The following PAG1 variants were observed in gnomAD, a reference collection of about 807,000 sequenced individuals.
PAG1 encodes the protein phosphoprotein associated with glycosphingolipid-enriched microdomains 1.
Under a neutral mutation model 31.7 loss-of-function variants are expected in PAG1, and 23 were observed. The observed-to-expected ratio is 0.73, with a 90% confidence interval of 0.52 to 1.03. The LOEUF is 1.03. PAG1 is among the 50% of genes least tolerant of loss of function. The probability of loss-of-function intolerance (pLI) is 0.00; values close to 1 mark genes in which losing one functional copy is unlikely to be tolerated. For synonymous variants in PAG1, 214 were observed against 210.3 expected, an observed-to-expected ratio of 1.02 and a Z score of -0.15; for missense variants, 473 against 540.7, an observed-to-expected ratio of 0.87 and a Z score of 1.24.
intron 3 of PAG1, among the ~76,000 whole-genome samples, chr8:80,997,222 C>T (rs1279820868): frequency 6.6e-6 from 1 of 152,162 alleles, no homozygotes; most frequent in Non-Finnish European, 1.5e-5. Context: ...TCTCCGAATC[C>T]TGTTCTTACT....
At chr8:81,043,647 A>G (rs1187327313) in intron 2 of PAG1, among the ~76,000 whole-genome samples, 3 of 152,234 alleles carry the variant, frequency 2.0e-5, no homozygotes, top group Non-Finnish European at 2.9e-5. Context: ...ATTACAAATG[A>G]CATTACAATG....
At chr8:81,007,128 A>T (rs1807894573) in intron 3 of PAG1, among the ~76,000 whole-genome samples, 1 of 150,902 alleles carries the variant, frequency 6.6e-6, no homozygotes, top group Non-Finnish European at 1.5e-5. Flanking sequence ...AGAGAGGCAG[A>T]GAGAGAGAGA....
At chr8:81,017,455 C>T (rs559019346) in intron 3 of PAG1, among the ~76,000 whole-genome samples, 2 of 152,242 alleles carry the variant, frequency 1.3e-5, no homozygotes, top group East Asian at 3.9e-4. Flanking sequence ...AGATGCCAAA[C>T]AAAAGTCAAA....
At chr8:80,978,026 G>A (rs1185899223) in intron 8 of PAG1, among the ~76,000 whole-genome samples, 2 of 152,084 alleles carry the variant, frequency 1.3e-5, no homozygotes, top group African/African-American at 2.4e-5. Flanking sequence ...CATACTGCAG[G>A]TGAAGTTTCC....
intron 2 of PAG1, among the ~76,000 whole-genome samples, chr8:81,033,841 T>C (rs1345954126): frequency 1.3e-5 from 2 of 152,226 alleles, no homozygotes; most frequent in Non-Finnish European, 2.9e-5. Flanking sequence ...ACAGATGGCC[T>C]GGGCTGAGCC....
At chr8:81,088,471 T>C (rs1809396383) in intron 1 of PAG1, among the ~76,000 whole-genome samples, 1 of 152,146 alleles carries the variant, frequency 6.6e-6, no homozygotes, top group Admixed American at 6.5e-5. Context: ...TAGGACAAAT[T>C]GCAAAATGAC....
rs1220304732 is a variant in PAG1, at chr8:80,972,477, T to C, written c.*4067A>G. The C allele has an allele frequency of 6.6e-6, 1 of 152,232 alleles. No individual in the cohort carries two copies. The highest frequency in any genetic ancestry group is 1.5e-5 in the Non-Finnish European group (1 of 68,046). 9.4% of individuals were successfully genotyped at this position (152,232 alleles called of 1,614,324 possible). On this transcript the variant is annotated 3_prime_UTR_variant, in exon 9 of 9. Coordinates refer to ENST00000220597, the MANE Select transcript of PAG1 (RefSeq NM_018440.4). ...GTTTTACACTGCCTATAAAGTCTCATAATTTTAAAAGGGAATGAAACAGAA... is the reference window on the plus strand; with the variant it reads ...GTTTTACACTGCCTATAAAGTCTCACAATTTTAAAAGGGAATGAAACAGAA...
chr8:80,998,482 T>G (rs953947925), intron 3 of PAG1, among the ~76,000 whole-genome samples: 1 of 152,148 alleles, frequency 6.6e-6, no homozygotes, highest in African/African-American at 2.4e-5. Context: ...CTCAGCCCTA[T>G]GCAGCACTTT....
chr8:81,072,752 T>G (rs1370121523), intron 1 of PAG1, among the ~76,000 whole-genome samples: 1 of 152,148 alleles, frequency 6.6e-6, no homozygotes, highest in Non-Finnish European at 1.5e-5. Context: ...TTAACTTTCA[T>G]ATCATGCAGA....
chr8:81,096,624 G>A (rs1304134511), intron 1 of PAG1, among the ~76,000 whole-genome samples: 1 of 152,226 alleles, frequency 6.6e-6, no homozygotes, highest in Non-Finnish European at 1.5e-5. Context: ...TGGTTCTGCT[G>A]TGTGTGTCCT....
chr8:81,072,646 G>A (rs1809113316), intron 1 of PAG1, among the ~76,000 whole-genome samples: 1 of 152,226 alleles, frequency 6.6e-6, no homozygotes, highest in South Asian at 2.1e-4. Flanking sequence ...TGAGGCTGCA[G>A]TGATCTATGT....
Position 80,972,885 on chromosome 8 carries a change from C to T in PAG1, c.*3659G>A, listed in dbSNP as rs1807106364. 4 of 151,822 alleles carry T rather than the reference C, an allele frequency of 2.6e-5. No individual in the cohort carries two copies. In the South Asian group the frequency reaches 6.3e-4, roughly 24 times the overall value. The allele number at this position is 151,822 out of a possible 1,614,324, so 9.4% of individuals were successfully genotyped here. On this transcript the variant is annotated 3_prime_UTR_variant, in exon 9 of 9. Coordinates refer to ENST00000220597, the MANE Select transcript of PAG1 (RefSeq NM_018440.4). ...TTCAAAATACATAATAGAACATATCCTAATTAAGCACCAGAGTTGTGTCAG... is the reference window on the plus strand; with the variant it reads ...TTCAAAATACATAATAGAACATATCTTAATTAAGCACCAGAGTTGTGTCAG...
chr8:81,008,109 T>C (rs999737684), intron 3 of PAG1, among the ~76,000 whole-genome samples: 2 of 152,216 alleles, frequency 1.3e-5, no homozygotes, highest in Non-Finnish European at 2.9e-5. Context: ...TGTGGTTTCA[T>C]TCTAGTTCTT....
chr8:81,002,646 G>A (rs892450389), intron 3 of PAG1, among the ~76,000 whole-genome samples: 1 of 152,206 alleles, frequency 6.6e-6, no homozygotes, highest in South Asian at 2.1e-4. Flanking sequence ...GCTTAACAGT[G>A]CTAATATTGT....
intron 1 of PAG1, among the ~76,000 whole-genome samples, chr8:81,087,727 G>T (rs1240129647): frequency 6.6e-6 from 1 of 152,208 alleles, no homozygotes; most frequent in Non-Finnish European, 1.5e-5. Flanking sequence ...ATGTTTCGGG[G>T]ATAAGCGCAT....
At chr8:81,103,052 T>A (rs1809633419) in intron 1 of PAG1, among the ~76,000 whole-genome samples, 1 of 152,068 alleles carries the variant, frequency 6.6e-6, no homozygotes, top group Non-Finnish European at 1.5e-5. Flanking sequence ...TAAGTTTATC[T>A]ACAATAATTT....
chr8:81,046,853 A>G (rs1808650470), intron 2 of PAG1, among the ~76,000 whole-genome samples: 1 of 150,974 alleles, frequency 6.6e-6, no homozygotes, highest in Non-Finnish European at 1.5e-5. Context: ...CTACCCCCCA[A>G]CCCTCCGGCA....
Position 81,021,353 on chromosome 8 carries a change from A to C in PAG1, c.-81+8643T>G, listed in dbSNP as rs535398848. On this transcript the variant is annotated intron_variant, in intron 3 of 8. Transcript: ENST00000220597. ...TTAACAACTTACGTCAGCATGGTAC[A>C]TGTGTTACAATTAATGGACCAATAT... Among the ~76,000 whole-genome samples the C allele has an allele frequency of 2.0e-5, 3 of 151,900 alleles. No homozygotes were observed. In the East Asian group the frequency reaches 5.8e-4, roughly 29 times the overall value.
chr8:81,029,555 A>T (rs1356864694), intron 3 of PAG1, among the ~76,000 whole-genome samples: 2 of 152,182 alleles, frequency 1.3e-5, no homozygotes. Context: ...TTGGTGTAAA[A>T]TATTATGATT....
Sources: gnomAD v4.1 joint callset for allele counts (sites outside exome capture counted in the v4.1 genomes callset) on GRCh38, gnomAD v4.1.1 for gene constraint, MANE v1.5 for transcripts, NCBI Gene and HGNC (gene_info 2026-07-23, HGNC 2026-07-21) for gene names.